Variants in KIDINS220 observed in about 807,000 individuals in gnomAD.
KIDINS220 encodes the protein kinase D interacting substrate 220, also known as kinase D-interacting substrate of 220 kDa.
Under a neutral mutation model 157.6 loss-of-function variants are expected in KIDINS220, and 63 were observed. The ratio of observed to expected loss-of-function variants is 0.40; its 90% CI spans 0.33 to 0.49. KIDINS220 has a LOEUF of 0.49. Among genes scored for constraint, KIDINS220 ranks in the 20% least tolerant of loss-of-function variants. The pLI is 0.66. For synonymous variants in KIDINS220, 732 were observed against 783.6 expected, an observed-to-expected ratio of 0.93 and a Z score of 1.10; for missense variants, 1,772 against 2,171.2, an observed-to-expected ratio of 0.82 and a Z score of 3.65.
intron 26 of KIDINS220, among the ~76,000 whole-genome samples, chr2:8,744,387 AAATATATATATATAATATATATAT>A (rs1558328186): frequency 1.8e-4 from 5 of 27,746 alleles, no homozygotes; most frequent in South Asian, 2.2e-3. Flanking sequence ...AAAAAAAAAA[AAATATATATATATAATATATATAT>A]ATATATATAT....
At chr2:8,813,140 T>C (rs1266077554) in intron 5 of KIDINS220, 97 bp downstream of exon 5, 4 of 684,878 alleles carry the variant, frequency 5.8e-6, no homozygotes, top group Admixed American at 2.7e-5. Flanking sequence ...ATAAAGAATA[T>C]TTCTACCCAC....
intron 28 of KIDINS220, 135 bp downstream of exon 28, chr2:8,734,520 A>C (rs1301600640): frequency 1.7e-6 from 1 of 597,424 alleles, no homozygotes; most frequent in East Asian, 2.9e-5. Flanking sequence ...AGCAGTTTTT[A>C]AATTTAAAAA....
rs771185778 is a variant in KIDINS220 at position 8,785,884 on chromosome 2, T to C, written c.2086A>G (p.Ile696Val). 19 of 1,614,044 alleles carry C rather than the reference T, an allele frequency of 1.2e-5. No homozygotes were observed. Among genetic ancestry groups the C allele is most frequent in the Non-Finnish European group, 1.5e-5 (18 of 1,180,022 alleles). ...HLTVNAVLISIASVVGLAFVL... is the reference protein window; with the variant it reads ...HLTVNAVLISVASVVGLAFVL... ...AAGGCCAATCCCACTACAGATGCGA[T>C]TGATATGAGGACAGCATTTACAGTC... The change falls in exon 17 of 30, where the codon ATC becomes GTC. Residue 696 changes from isoleucine (I) to valine (V), a missense_variant. By Grantham distance (29) the Ile-to-Val change is conservative (BLOSUM62 3). Around this residue, in one of 3 missense-constraint regions of KIDINS220, gnomAD observed 725 missense variants for 1,017.1 expected, o/e 0.71. Transcript: ENST00000256707.
At chr2:8,820,561 G>A (rs1301407407) in intron 2 of KIDINS220, among the ~76,000 whole-genome samples, 4 of 152,042 alleles carry the variant, frequency 2.6e-5, no homozygotes, top group African/African-American at 7.2e-5. Context: ...TTCAAGTATC[G>A]GTCACGTTAA....
At chr2:8,757,656 G>C (rs1486994773) in intron 22 of KIDINS220, 1 of 1,611,590 alleles carries the variant, frequency 6.2e-7, no homozygotes, top group African/African-American at 1.3e-5. Flanking sequence ...AGGGAGTCAT[G>C]GCCTGTTCCA....
At chr2:8,836,293 C>T (rs1018381931) in intron 1 of KIDINS220, among the ~76,000 whole-genome samples, 1 of 151,980 alleles carries the variant, frequency 6.6e-6, no homozygotes, top group South Asian at 2.1e-4. Flanking sequence ...GCGAATGGGG[C>T]TTTGGCCAGG....
downstream of KIDINS220, chr2:8,727,185 C>A: frequency 8.7e-7 from 1 of 1,144,488 alleles, no homozygotes; most frequent in Non-Finnish European, 1.1e-6. Context: ...CTCAGAGAGC[C>A]CACCTGAGTC....
intron 22 of KIDINS220, among the ~76,000 whole-genome samples, chr2:8,755,522 C>T (rs1278631084): frequency 6.6e-6 from 1 of 152,210 alleles, no homozygotes; most frequent in East Asian, 1.9e-4. Flanking sequence ...ACTACACATG[C>T]ACACAAAGGT....
downstream of KIDINS220, among the ~76,000 whole-genome samples, chr2:8,728,515 G>A (rs1361883798): frequency 6.6e-6 from 1 of 152,222 alleles, no homozygotes; most frequent in Non-Finnish European, 1.5e-5. Context: ...TAGACGCACA[G>A]GTTCAAGGGA....
intron 2 of KIDINS220, among the ~76,000 whole-genome samples, chr2:8,821,468 T>G (rs1173715853): frequency 4.6e-5 from 7 of 152,166 alleles, no homozygotes; most frequent in African/African-American, 1.7e-4. Flanking sequence ...CTTTTCCTTC[T>G]TCTTGCCCAA....
chr2:8,784,141 A>G (rs535921137), intron 17 of KIDINS220, among the ~76,000 whole-genome samples: 2 of 152,248 alleles, frequency 1.3e-5, no homozygotes, highest in East Asian at 1.9e-4. Flanking sequence ...AAGGCAATAC[A>G]ATGCAAGAAA....
intron 22 of KIDINS220, among the ~76,000 whole-genome samples, chr2:8,759,989 C>T (rs764441991): frequency 6.6e-6 from 1 of 152,170 alleles, no homozygotes; most frequent in Non-Finnish European, 1.5e-5. Context: ...AGCAGCAGAG[C>T]GGGTACCTGC....
At chr2:8,784,016 A>G (rs974214677) in intron 17 of KIDINS220, among the ~76,000 whole-genome samples, 10 of 152,190 alleles carry the variant, frequency 6.6e-5, no homozygotes, top group African/African-American at 9.6e-5. Flanking sequence ...CCCAACTTCA[A>G]GAAAATAGAG....
chr2:8,747,378 T>TATTAAACTATTAAA (rs1363851471), intron 25 of KIDINS220, 177 bp from the exon 26 acceptor site: 15 of 586,698 alleles, frequency 2.6e-5, no homozygotes, highest in Non-Finnish European at 3.9e-5. Flanking sequence ...AACTATTACT[T>TATTAAACTATTAAA]TTATCATCAG....
intron 1 of KIDINS220, among the ~76,000 whole-genome samples, chr2:8,828,113 G>C (rs1258780155): frequency 1.3e-5 from 2 of 152,138 alleles, no homozygotes; most frequent in Non-Finnish European, 2.9e-5. Context: ...CTCTTCAGTG[G>C]CAAGCCTCTC....
At chr2:8,735,338 C>G (rs1664717493) in intron 27 of KIDINS220, among the ~76,000 whole-genome samples, 1 of 152,118 alleles carries the variant, frequency 6.6e-6, no homozygotes, top group Non-Finnish European at 1.5e-5. Context: ...TCGAGACCAG[C>G]CTGGCCAACA....
chr2:8,794,907 G>A (rs1262533914), intron 11 of KIDINS220, among the ~76,000 whole-genome samples: 2 of 152,158 alleles, frequency 1.3e-5, no homozygotes, highest in East Asian at 3.8e-4. Flanking sequence ...CCTAAAAAAT[G>A]TGGTAGCATA....
At chr2:8,821,871 TG>T (rs1678007359) in intron 2 of KIDINS220, among the ~76,000 whole-genome samples, 2 of 152,216 alleles carry the variant, frequency 1.3e-5, no homozygotes, top group African/African-American at 4.8e-5. Context: ...TAACTACAGT[TG>T]TAGAGATAGA....
chr2:8,821,562 A>T (rs1045666657), intron 2 of KIDINS220, among the ~76,000 whole-genome samples: 1 of 152,208 alleles, frequency 6.6e-6, no homozygotes, highest in Non-Finnish European at 1.5e-5. Context: ...GAAAGAAAGG[A>T]GCCTGGGTTC....
Sources: gnomAD v4.1 joint callset for allele counts (sites outside exome capture counted in the v4.1 genomes callset) on GRCh38, gnomAD v4.1.1 for gene constraint, gnomAD v4.1.1 regional missense constraint, MANE v1.5 for transcripts, NCBI Gene and HGNC (gene_info 2026-07-23, HGNC 2026-07-21) for gene names.